COL24A1: variants seen among roughly 807,000 people sequenced by gnomAD.
COL24A1 encodes collagen type XXIV alpha 1 chain.
In COL24A1, 224 loss-of-function variants were observed where a neutral mutation model predicts 253.9. The ratio of observed to expected loss-of-function variants is 0.88; its 90% CI spans 0.79 to 0.99. The LOEUF is 0.99. Ranked by LOEUF, COL24A1 falls within the 50% of genes least tolerant of loss-of-function variation. The pLI is 0.00. For missense variants in COL24A1, 2,131 were observed against 2,068.5 expected (o/e 1.03, Z -0.59); for synonymous variants, 685 against 673.7 (o/e 1.02, Z -0.26).
chr1:85,819,140 T>A (rs1008296849), intron 45 of COL24A1, among the ~76,000 whole-genome samples: 4 of 152,202 alleles, frequency 2.6e-5, no homozygotes, highest in Admixed American at 2.0e-4. Context: ...GTCTTAGAAG[T>A]CACTAATGCA....
chr1:86,141,481 C>T (rs1314203918), intron 2 of COL24A1, among the ~76,000 whole-genome samples: 1 of 152,174 alleles, frequency 6.6e-6, no homozygotes, highest in Admixed American at 6.5e-5. Flanking sequence ...CTCCCCCCAT[C>T]AACCCAAGAA....
chr1:86,134,275 T>G (rs1464444960), intron 2 of COL24A1, among the ~76,000 whole-genome samples: 1 of 150,830 alleles, frequency 6.6e-6, no homozygotes. Flanking sequence ...GGTTTATCAA[T>G]TTTGTTGATC....
At chr1:85,731,621 C>T (rs1304444401) in intron 59 of COL24A1, among the ~76,000 whole-genome samples, 1 of 152,256 alleles carries the variant, frequency 6.6e-6, no homozygotes, top group East Asian at 1.9e-4. Context: ...TAAGATGTAA[C>T]ACTTAGTGTT....
At chr1:86,072,792 G>A (rs919897671) in intron 7 of COL24A1, among the ~76,000 whole-genome samples, 3 of 152,204 alleles carry the variant, frequency 2.0e-5, no homozygotes, top group African/African-American at 7.2e-5. Context: ...GGAAGGAGCA[G>A]GCAGCAATCT....
intron 7 of COL24A1, among the ~76,000 whole-genome samples, chr1:86,072,793 G>A (rs1257908219): frequency 6.6e-6 from 1 of 152,174 alleles, no homozygotes. Context: ...GAAGGAGCAG[G>A]CAGCAATCTT....
At chr1:86,033,788 A>G in intron 13 of COL24A1, 82 bp downstream of exon 13, 1 of 1,195,292 alleles carries the variant, frequency 8.4e-7, no homozygotes, top group Non-Finnish European at 1.2e-6. Flanking sequence ...ATTCACAAAT[A>G]TGATAATAAG....
At chr1:85,846,675 A>G (rs1321859083) in intron 39 of COL24A1, among the ~76,000 whole-genome samples, 1 of 152,048 alleles carries the variant, frequency 6.6e-6, no homozygotes, top group Non-Finnish European at 1.5e-5. Flanking sequence ...GCAAACATCA[A>G]AAGAAGTAAT....
intron 24 of COL24A1, among the ~76,000 whole-genome samples, chr1:85,920,881 C>G (rs1316889023): frequency 6.6e-6 from 1 of 150,490 alleles, no homozygotes; most frequent in Non-Finnish European, 1.5e-5. Flanking sequence ...GATGATAAAC[C>G]AGGAACAAGA....
chr1:85,804,562 T>C (rs1369881254), intron 47 of COL24A1, among the ~76,000 whole-genome samples: 2 of 152,088 alleles, frequency 1.3e-5, no homozygotes, highest in African/African-American at 4.8e-5. Context: ...GGCCTCACAA[T>C]TATGGTGGAA....
Position 85,951,780 on chromosome 1 carries a change from T to G in COL24A1, c.2562+9469A>C, listed in dbSNP as rs561679817. On this transcript the variant is annotated intron_variant, in intron 24 of 59. Transcript: ENST00000370571. ...TATCAACATACCAGAAAAACATAGA[T>G]TCCAAAACTCATTAATCAGAAAAGT... is the stretch of plus-strand genomic sequence containing the variant. Among the ~76,000 whole-genome samples, 87 of 152,304 alleles carry G rather than the reference T, an allele frequency of 5.7e-4. 1 individual carries two copies. The Middle Eastern group carries it at 0.017, about 30-fold the overall frequency.
intron 19 of COL24A1, among the ~76,000 whole-genome samples, chr1:85,996,862 G>A (rs1373858376): frequency 1.3e-5 from 2 of 151,514 alleles, no homozygotes; most frequent in Admixed American, 1.3e-4. Flanking sequence ...TGGGAAGTTA[G>A]GTGATTAAAA....
At chr1:86,087,636 C>T (rs1255735455) in intron 7 of COL24A1, among the ~76,000 whole-genome samples, 1 of 152,138 alleles carries the variant, frequency 6.6e-6, no homozygotes, top group Non-Finnish European at 1.5e-5. Context: ...GCATAGGATG[C>T]AATAACTGTA....
chr1:86,076,204 T>C (rs1702231344), intron 7 of COL24A1, among the ~76,000 whole-genome samples: 1 of 152,154 alleles, frequency 6.6e-6, no homozygotes, highest in Non-Finnish European at 1.5e-5. Flanking sequence ...AGTCTCAGGA[T>C]ACAAAATCAC....
At chr1:85,842,967 GC>G (rs1297742932) in intron 39 of COL24A1, among the ~76,000 whole-genome samples, 1 of 152,010 alleles carries the variant, frequency 6.6e-6, no homozygotes, top group Non-Finnish European at 1.5e-5. Flanking sequence ...ATCAGCAAAT[GC>G]CCTTAGCCTA....
chr1:86,144,537 C>T (rs1245262305), intron 2 of COL24A1, among the ~76,000 whole-genome samples: 1 of 152,052 alleles, frequency 6.6e-6, no homozygotes, highest in Non-Finnish European at 1.5e-5. Flanking sequence ...ATAATACCTA[C>T]TCTGCAGGTT....
chr1:86,134,396 G>C lies in COL24A1; in HGVS notation c.122-8182C>G, dbSNP rs1421380408. ...TATTTCTTGCTTTCTGCTAGCTTTTGAATGTGTTTGCTCTTGCTTCTCTAG... is the reference window on the plus strand; with the variant it reads ...TATTTCTTGCTTTCTGCTAGCTTTTCAATGTGTTTGCTCTTGCTTCTCTAG... On this transcript the variant is annotated intron_variant, in intron 2 of 59. Transcript: ENST00000370571. Among the ~76,000 whole-genome samples the C allele has an allele frequency of 2.6e-5, 4 of 151,558 alleles. No individual in the cohort carries two copies. In the East Asian group the frequency reaches 7.8e-4, roughly 30 times the overall value.
chr1:85,813,422 A>AG (rs1226235527), intron 47 of COL24A1, among the ~76,000 whole-genome samples: 1 of 123,956 alleles, frequency 8.1e-6, no homozygotes, highest in South Asian at 2.5e-4. Context: ...AAAACCTTAA[A>AG]GAAAAAAAAA....
At chr1:85,885,294 A>G (rs1349808743) in intron 32 of COL24A1, among the ~76,000 whole-genome samples, 1 of 151,386 alleles carries the variant, frequency 6.6e-6, no homozygotes, top group Non-Finnish European at 1.5e-5. Flanking sequence ...TCCGCCTCCC[A>G]GGTTCAAGTA....
At chr1:85,996,221 T>C (rs558706347) in intron 19 of COL24A1, among the ~76,000 whole-genome samples, 10 of 152,286 alleles carry the variant, frequency 6.6e-5, no homozygotes, top group African/African-American at 2.2e-4. Context: ...AAAATAGAAA[T>C]TATTTATTGA....
Sources: allele counts gnomAD v4.1 joint callset (sites outside exome capture counted in the v4.1 genomes callset), GRCh38; gene constraint gnomAD v4.1.1; transcripts MANE v1.5; gene names NCBI Gene and HGNC (gene_info 2026-07-23, HGNC 2026-07-21).